ORC4: variants seen among roughly 807,000 people sequenced by gnomAD.
The protein encoded by ORC4 is origin recognition complex subunit 4.
In ORC4, 55 loss-of-function variants were observed where a neutral mutation model predicts 63.9. The observed-to-expected ratio is 0.86, with a 90% CI of 0.69 to 1.08. The LOEUF is 1.08. Among genes scored for constraint, ORC4 ranks in the 50% least tolerant of loss-of-function variants. The probability of loss-of-function intolerance (pLI) is 0.00; values close to 1 mark genes in which losing one functional copy is unlikely to be tolerated. For missense variants in ORC4, 511 were observed against 504.4 expected, an observed-to-expected ratio of 1.01 and a Z score of -0.13; for synonymous variants, 150 against 168.5, an observed-to-expected ratio of 0.89 and a Z score of 0.85.
intron 6 of ORC4, among the ~76,000 whole-genome samples, chr2:147,957,853 A>C (rs1243456141): frequency 6.6e-6 from 1 of 152,162 alleles, no homozygotes; most frequent in Non-Finnish European, 1.5e-5. Flanking sequence ...TCAGGCAGTC[A>C]AAGGGTTGTA....
chr2:148,014,035 G>A (rs544330594), intron 1 of ORC4, among the ~76,000 whole-genome samples: 5 of 152,134 alleles, frequency 3.3e-5, no homozygotes, highest in East Asian at 3.9e-4. Context: ...AAGATGTGCC[G>A]GTCTATGGTA....
chr2:147,998,460 T>C (rs2105425338), intron 1 of ORC4, among the ~76,000 whole-genome samples: 1 of 152,330 alleles, frequency 6.6e-6, no homozygotes. Context: ...ATTAGTTCTC[T>C]GGCGAATGGC....
intron 4 of ORC4, 87 bp downstream of exon 4, chr2:147,972,652 A>G: frequency 1.5e-6 from 1 of 671,926 alleles, no homozygotes. Context: ...TATTACATAA[A>G]ATAAGATTTA....
chr2:147,952,292 GA>G (rs533945288), intron 8 of ORC4, 80 bp downstream of exon 8: 2 of 1,066,174 alleles, frequency 1.9e-6, no homozygotes, highest in African/African-American at 1.6e-5. Context: ...CTAAATAAGT[GA>G]AAAAAACTAG....
At chr2:148,006,787 C>T (rs1045490583) in intron 1 of ORC4, among the ~76,000 whole-genome samples, 4 of 152,174 alleles carry the variant, frequency 2.6e-5, no homozygotes, top group East Asian at 1.9e-4. Context: ...CAGGACTGGC[C>T]GTGGACCTTG....
intron 6 of ORC4, among the ~76,000 whole-genome samples, chr2:147,957,586 T>G (rs998644453): frequency 5.9e-5 from 9 of 152,122 alleles, no homozygotes; most frequent in Non-Finnish European, 1.2e-4. Context: ...ACATTTCAAG[T>G]CAGTTTCTTT....
At chr2:148,002,072 T>C (rs1346759559) in intron 1 of ORC4, among the ~76,000 whole-genome samples, 1 of 152,118 alleles carries the variant, frequency 6.6e-6, no homozygotes, top group East Asian at 1.9e-4. Flanking sequence ...ATCCTAAATA[T>C]ATATGCACCC....
rs371727511 is a variant in ORC4, at chr2:147,955,329, G to A, written c.436+18C>T. ...TTAAAACAGATCTTCTGAAACGGCT[G>A]AATATGTTAATATTTACCTTTTTTT... On this transcript the variant is annotated intron_variant, in intron 7 of 13. Transcript: ENST00000392857. 2.8e-5 allele frequency: 44 copies of A among 1,557,324 alleles called. No homozygotes were observed. The highest frequency in any genetic ancestry group is 3.9e-5 in the Non-Finnish European group (44 of 1,132,090).
chr2:147,994,819 G>A (rs536509203), intron 1 of ORC4, among the ~76,000 whole-genome samples: 7 of 152,366 alleles, frequency 4.6e-5, no homozygotes, highest in African/African-American at 1.4e-4. Flanking sequence ...GAGGTCAGGA[G>A]TTCGAAACCA....
At chr2:147,981,665 T>C (rs1042453043) in intron 1 of ORC4, among the ~76,000 whole-genome samples, 1 of 152,160 alleles carries the variant, frequency 6.6e-6, no homozygotes, top group Non-Finnish European at 1.5e-5. Flanking sequence ...AACATTATGC[T>C]GTATACCATA....
rs1487040009 is a variant in ORC4 at position 147,930,553 on chromosome 2, T to C, written c.*4957A>G. On this transcript the variant is annotated 3_prime_UTR_variant, in exon 14 of 14. Coordinates refer to ENST00000392857, the MANE Select transcript of ORC4 (RefSeq NM_181741.4). ...CTCAGATATTCAACCAGCAGTACGT[T>C]TTTTATGCAGTCTCAACCCATATCC... The C allele has an allele frequency of 6.6e-6, 1 of 152,448 alleles. No individual in the cohort carries two copies. Among genetic ancestry groups the C allele is most frequent in the African/African-American group, 2.4e-5 (1 of 41,404 alleles). The allele number at this position is 152,448 out of a possible 1,614,324, so 9.4% of individuals were successfully genotyped here.
upstream of ORC4, chr2:148,021,478 CTGT>C (rs1189845096): frequency 2.4e-5 from 14 of 576,706 alleles, no homozygotes; most frequent in Admixed American, 6.5e-5. Context: ...GCTGCTGCTG[CTGT>C]TGCTGCTGCT....
chr2:147,937,688 A>C (rs1021884350), intron 13 of ORC4, among the ~76,000 whole-genome samples: 1 of 152,194 alleles, frequency 6.6e-6, no homozygotes, highest in Non-Finnish European at 1.5e-5. Flanking sequence ...TGTAGTGGAC[A>C]ATGGTAATCT....
intron 1 of ORC4, among the ~76,000 whole-genome samples, chr2:148,015,383 C>T (rs1337374512): frequency 2.8e-5 from 4 of 140,928 alleles, no homozygotes; most frequent in Admixed American, 7.5e-5. Context: ...GGCGCGATCT[C>T]GGCTCACTGC....
chr2:147,953,067 C>T (rs1047824497), intron 7 of ORC4, among the ~76,000 whole-genome samples: 2 of 141,166 alleles, frequency 1.4e-5, no homozygotes, highest in Admixed American at 7.1e-5. Flanking sequence ...TGGTGACTCA[C>T]GCTTGTAATC....
At chr2:148,019,801 A>C (rs951778384) in intron 1 of ORC4, among the ~76,000 whole-genome samples, 2 of 152,248 alleles carry the variant, frequency 1.3e-5, no homozygotes, top group Admixed American at 6.5e-5. Context: ...TAAAAGCTTT[A>C]CTAATGTAAA....
intron 8 of ORC4, among the ~76,000 whole-genome samples, chr2:147,952,034 TC>T (rs1688984138): frequency 6.6e-6 from 1 of 152,164 alleles, no homozygotes; most frequent in African/African-American, 2.4e-5. Context: ...TGGAAAAAAA[TC>T]TTAAAATAAA....
intron 8 of ORC4, chr2:147,951,420 A>G (rs920909773): frequency 6.6e-6 from 1 of 152,248 alleles, no homozygotes; most frequent in African/African-American, 2.4e-5. Context: ...GTGGACCCTC[A>G]TAAATAGATT....
chr2:147,983,527 A>G (rs1008815078), intron 1 of ORC4, among the ~76,000 whole-genome samples: 4 of 152,192 alleles, frequency 2.6e-5, no homozygotes, highest in African/African-American at 9.6e-5. Flanking sequence ...TTCAGCCTGT[A>G]GATCAGGGGG....
Sources: gnomAD v4.1 joint callset for allele counts (sites outside exome capture counted in the v4.1 genomes callset) on GRCh38, gnomAD v4.1.1 for gene constraint, MANE v1.5 for transcripts, NCBI Gene and HGNC (gene_info 2026-07-23, HGNC 2026-07-21) for gene names.